Variants in PALS1 observed in about 807,000 individuals in gnomAD.
PALS1 encodes the protein protein associated with LIN7 1, MAGUK p55 family member.
Under a neutral mutation model 78.9 loss-of-function variants are expected in PALS1, and 31 were observed. That is an observed-to-expected ratio of 0.39 (90% CI 0.30 to 0.53). The LOEUF (loss-of-function observed/expected upper bound fraction) is 0.53, where lower values mean the gene tolerates loss of function less well. Among genes scored for constraint, PALS1 ranks in the 20% least tolerant of loss-of-function variants. The pLI, the probability that PALS1 is intolerant of heterozygous loss-of-function variation, is 0.67. For synonymous variants in PALS1, 276 were observed against 270.9 expected, an observed-to-expected ratio of 1.02 and a Z score of -0.18; for missense variants, 704 against 826.5, an observed-to-expected ratio of 0.85 and a Z score of 1.82.
chr14:67,302,201 T>C (rs1354666899), intron 6 of PALS1, 83 bp downstream of exon 6: 2 of 1,407,308 alleles, frequency 1.4e-6, no homozygotes, highest in African/African-American at 1.5e-5. Flanking sequence ...TTCAGAATTC[T>C]AATGAATAGA....
In PALS1 at chr14:67,279,366, A is replaced by C. The variant is rs1478544571; in HGVS notation, c.196A>C (p.Met66Leu). The C allele has an allele frequency of 1.2e-6, 2 of 1,614,028 alleles. No individual in the cohort carries two copies. Among genetic ancestry groups the C allele is most frequent in the African/African-American group, 1.3e-5 (1 of 75,018 alleles). The stretch of plus-strand genomic sequence containing the variant: ...GCGTATTCGGCAACAACAGGAGGAC[A>C]TGAGGCGTAGGAGAGAGGAAGAAGG... The part of the protein sequence containing the change: ...LERIRQQQED[M>L]RRRREEEGKK... Residue 66 changes from methionine (M) to leucine (L), a missense_variant, in exon 3 of 15, where the codon ATG becomes CTG. Physicochemically the swap from Met to Leu is conservative, Grantham distance 15. Coordinates refer to ENST00000261681, the MANE Select transcript of PALS1 (RefSeq NM_022474.4).
intron 6 of PALS1, 31 bp from the exon 7 acceptor site, chr14:67,302,379 A>G (rs1306681375): frequency 7.5e-7 from 1 of 1,329,078 alleles, no homozygotes; most frequent in Admixed American, 3.1e-5. Flanking sequence ...TATTATTTTT[A>G]TTTTTAAATT....
At chr14:67,329,041 G>A (rs2141043705) in intron 14 of PALS1, among the ~76,000 whole-genome samples, 1 of 152,186 alleles carries the variant, frequency 6.6e-6, no homozygotes, top group South Asian at 2.1e-4. Flanking sequence ...TGATGGGGAT[G>A]GCATTGAATC....
intron 2 of PALS1, among the ~76,000 whole-genome samples, chr14:67,275,454 A>G (rs2084487220): frequency 6.6e-6 from 1 of 152,202 alleles, no homozygotes. Context: ...CCAGCCTTGC[A>G]TCCCAGGGAT....
At position 67,279,167 on chromosome 14, in the gene PALS1, A is replaced by G; in HGVS notation, c.-4A>G. On this transcript the variant is annotated 5_prime_UTR_variant, in exon 3 of 15. It adds an upstream start codon to the 5' untranslated region. Transcript: ENST00000261681. ...AAAAGTGGTACAGGTTTTCATAGAT[A>G]ACCATGACAACATCCCATATGAATG... The G allele has an allele frequency of 6.4e-7, 1 of 1,563,190 alleles. No individual in the cohort carries two copies. The highest frequency in any genetic ancestry group is 2.3e-5 in the East Asian group (1 of 44,336).
rs1409587526 is a variant in PALS1 at position 67,333,096 on chromosome 14, A to G, written c.*140A>G. ...GTAGATCTGTTCTTAGATCTCTTGA[A>G]TTAGTGAGACGACAGTTCCCTTAGG... is the stretch of plus-strand genomic sequence containing the variant. On this transcript the variant is annotated 3_prime_UTR_variant, in exon 15 of 15. Transcript: ENST00000261681. 2.9e-6 allele frequency: 2 copies of G among 689,148 alleles called. No individual in the cohort carries two copies. Among genetic ancestry groups the G allele is most frequent in the Admixed American group, 6.2e-5 (2 of 32,126 alleles). 42.7% of individuals were successfully genotyped at this position (689,148 alleles called of 1,614,324 possible).
At chr14:67,328,257 T>C (rs1466443755) in intron 14 of PALS1, among the ~76,000 whole-genome samples, 3 of 152,262 alleles carry the variant, frequency 2.0e-5, no homozygotes, top group African/African-American at 7.2e-5. Flanking sequence ...TTTTCATGTG[T>C]CTGTTGGCTG....
At chr14:67,325,314 T>G (rs1357949100) in intron 14 of PALS1, among the ~76,000 whole-genome samples, 1 of 152,202 alleles carries the variant, frequency 6.6e-6, no homozygotes, top group East Asian at 1.9e-4. Context: ...TTAATCTATA[T>G]GTGAGGTTAA....
intron 2 of PALS1, among the ~76,000 whole-genome samples, chr14:67,276,199 G>A (rs183818283): frequency 0.15 from 23,410 of 151,856 alleles, 3,379 homozygotes; most frequent in East Asian, 0.42. Flanking sequence ...TATTTTCAGG[G>A]TAAAGATCTA....
chr14:67,322,995 T>C (rs1235983911), intron 13 of PALS1, among the ~76,000 whole-genome samples: 1 of 152,158 alleles, frequency 6.6e-6, no homozygotes, highest in Non-Finnish European at 1.5e-5. Flanking sequence ...TTATATTTAG[T>C]GTCTGGCACA....
At chr14:67,296,622 C>T (rs17564263) in intron 4 of PALS1, among the ~76,000 whole-genome samples, 22,359 of 140,938 alleles carry the variant, frequency 0.16, 3,398 homozygotes, top group East Asian at 0.43. Flanking sequence ...AAGATGGTGT[C>T]TAGATCCTGA....
chr14:67,284,781 TTA>T (rs2084660377), intron 3 of PALS1, among the ~76,000 whole-genome samples: 1 of 152,096 alleles, frequency 6.6e-6, no homozygotes, highest in African/African-American at 2.4e-5. Flanking sequence ...TCACTTACCA[TTA>T]TGTTTTCAGG....
chr14:67,332,886 A>G lies in PALS1; in HGVS notation c.1958A>G (p.Gln653Arg). The G allele has an allele frequency of 6.2e-7, 1 of 1,614,116 alleles. No homozygotes were observed. Among genetic ancestry groups the G allele is most frequent in the South Asian group, 1.1e-5 (1 of 91,078 alleles). ...IVNSDLDKAY[Q>R]ELLRLINKLD... ...AATTCCGATCTTGATAAAGCCTATC[A>G]GGAATTGCTTAGGTTAATTAACAAA... The change falls in exon 15 of 15, where the codon CAG becomes CGG. Residue 653 changes from glutamine to arginine, a missense_variant. Gln to Arg is a conservative substitution (Grantham distance 43). Coordinates refer to ENST00000261681, the MANE Select transcript of PALS1 (RefSeq NM_022474.4).
intron 1 of PALS1, among the ~76,000 whole-genome samples, chr14:67,248,981 G>A (rs1328564938): frequency 6.9e-6 from 1 of 144,784 alleles, no homozygotes; most frequent in Non-Finnish European, 1.5e-5. Flanking sequence ...TTTTTTTTTT[G>A]AGACCAAGTC....
intron 2 of PALS1, chr14:67,271,205 G>C (rs1187295005): frequency 6.6e-6 from 1 of 152,194 alleles, no homozygotes; most frequent in Non-Finnish European, 1.5e-5. Flanking sequence ...TAATTTACCT[G>C]TGTGATCTAC....
chr14:67,298,965 A>G (rs1016636318), intron 4 of PALS1, among the ~76,000 whole-genome samples: 2 of 152,190 alleles, frequency 1.3e-5, no homozygotes, highest in African/African-American at 4.8e-5. Flanking sequence ...TGCTTAGTAT[A>G]ATGTTTTTGA....
At chr14:67,247,436 T>C (rs935590701) in intron 1 of PALS1, among the ~76,000 whole-genome samples, 1 of 152,184 alleles carries the variant, frequency 6.6e-6, no homozygotes, top group African/African-American at 2.4e-5. Flanking sequence ...TTTGGAATTT[T>C]CTAAGTAGAC....
chr14:67,286,677 G>A, intron 3 of PALS1, among the ~76,000 whole-genome samples: 1 of 149,134 alleles, frequency 6.7e-6, no homozygotes, highest in East Asian at 2.0e-4. Flanking sequence ...GCAACCTGGT[G>A]AAACTCCATC....
At chr14:67,330,754 C>T (rs964439905) in intron 14 of PALS1, among the ~76,000 whole-genome samples, 2 of 152,132 alleles carry the variant, frequency 1.3e-5, no homozygotes, top group African/African-American at 4.8e-5. Context: ...CCCCGGCACC[C>T]CGCTTCCTTG....
Sources: gnomAD v4.1 joint callset for allele counts (sites outside exome capture counted in the v4.1 genomes callset) on GRCh38, gnomAD v4.1.1 for gene constraint, MANE v1.5 for transcripts, NCBI Gene and HGNC (gene_info 2026-07-23, HGNC 2026-07-21) for gene names.